PTPRD: variants seen among roughly 807,000 people sequenced by gnomAD.
PTPRD encodes protein tyrosine phosphatase receptor type D.
Under a neutral mutation model 214.5 loss-of-function variants are expected in PTPRD, and 34 were observed. The observed-to-expected ratio is 0.16, with a 90% CI of 0.12 to 0.21. The LOEUF (loss-of-function observed/expected upper bound fraction) is 0.21. PTPRD is among the 10% of genes least tolerant of loss of function. The probability of loss-of-function intolerance (pLI) is 1.00; values close to 1 mark genes in which losing one functional copy is unlikely to be tolerated. For missense variants in PTPRD, 2,545 were observed against 2,398.7 expected (o/e 1.06, Z -1.27); for synonymous variants, 1,128 against 845.7 (o/e 1.33, Z -5.79).
chr9:8,706,262 G>C (rs927659498), intron 12 of PTPRD, among the ~76,000 whole-genome samples: 11 of 152,128 alleles, frequency 7.2e-5, no homozygotes, highest in Non-Finnish European at 1.3e-4. Flanking sequence ...AGATATAATA[G>C]GATTTTCAGG....
chr9:8,488,955 T>C (rs1013943826), intron 27 of PTPRD, among the ~76,000 whole-genome samples: 1 of 152,220 alleles, frequency 6.6e-6, no homozygotes, highest in South Asian at 2.1e-4. Context: ...TTTGAAATTC[T>C]AGTTCCAACG....
chr9:9,560,135 A>G (rs138877491), intron 8 of PTPRD, among the ~76,000 whole-genome samples: 49 of 152,296 alleles, frequency 3.2e-4, no homozygotes, highest in African/African-American at 1.1e-3. Flanking sequence ...TTGCACAGCA[A>G]TGTTCTTCTC....
chr9:10,167,251 T>C (rs1425366445), intron 3 of PTPRD, among the ~76,000 whole-genome samples: 3 of 152,060 alleles, frequency 2.0e-5, no homozygotes, highest in Non-Finnish European at 4.4e-5. Flanking sequence ...TGGAGCTAAT[T>C]CTCACCTATT....
chr9:10,385,044 A>G (rs1802202909), intron 2 of PTPRD, among the ~76,000 whole-genome samples: 1 of 151,688 alleles, frequency 6.6e-6, no homozygotes, highest in Admixed American at 6.6e-5. Flanking sequence ...ATCTCTCACC[A>G]TTCCTAACCT....
At chr9:9,370,011 T>C (rs1246963416) in intron 9 of PTPRD, among the ~76,000 whole-genome samples, 5 of 152,194 alleles carry the variant, frequency 3.3e-5, no homozygotes, top group South Asian at 4.1e-4. Flanking sequence ...TTCGTTACTG[T>C]AGCCTTGTAG....
chr9:9,121,882 G>A (rs552154838), intron 10 of PTPRD, among the ~76,000 whole-genome samples: 1 of 152,134 alleles, frequency 6.6e-6, no homozygotes, highest in Middle Eastern at 3.4e-3. Flanking sequence ...GATATATTTT[G>A]GCTCATGTTC....
chr9:9,461,787 A>C (rs969597987), intron 8 of PTPRD, among the ~76,000 whole-genome samples: 17 of 152,138 alleles, frequency 1.1e-4, no homozygotes, highest in Admixed American at 7.2e-4. Context: ...TTGGATGTTA[A>C]ACAGTAAATG....
At chr9:10,422,924 A>G (rs1317895750) in intron 2 of PTPRD, among the ~76,000 whole-genome samples, 1 of 152,118 alleles carries the variant, frequency 6.6e-6, no homozygotes, top group East Asian at 1.9e-4. Flanking sequence ...AGAACTAGAA[A>G]TACCATTTGA....
chr9:8,842,360 C>G (rs1489128530), intron 11 of PTPRD, among the ~76,000 whole-genome samples: 1 of 152,010 alleles, frequency 6.6e-6, no homozygotes, highest in Non-Finnish European at 1.5e-5. Context: ...TTCTAAATAT[C>G]TTATAATGAG....
At chr9:9,475,990 AAAGAG>A (rs1262031809) in intron 8 of PTPRD, among the ~76,000 whole-genome samples, 2 of 152,210 alleles carry the variant, frequency 1.3e-5, no homozygotes, top group South Asian at 2.1e-4. Flanking sequence ...ACTACATTAA[AAAGAG>A]AAAAGAAAAG....
chr9:9,625,904 A>C lies in PTPRD; in HGVS notation c.-286-51123T>G, dbSNP rs76618576. ...GTTTTTCTCTAGAGCAGGAGTCAGC[A>C]GACTTTATCTGTAAAAGGCTAGATG... On this transcript the variant is annotated intron_variant, in intron 7 of 45. Coordinates refer to ENST00000381196, the MANE Select transcript of PTPRD (RefSeq NM_002839.4). Among the ~76,000 whole-genome samples the C allele has an allele frequency of 6.1e-3, 934 of 152,290 alleles. 68 individuals carry two copies. The East Asian group carries it at 0.15, about 24-fold the overall frequency.
intron 10 of PTPRD, among the ~76,000 whole-genome samples, chr9:9,090,211 C>T (rs922485129): frequency 2.6e-5 from 4 of 152,130 alleles, no homozygotes; most frequent in African/African-American, 9.7e-5. Context: ...ATCTCCCTGG[C>T]CCTCCATACC....
intron 5 of PTPRD, among the ~76,000 whole-genome samples, chr9:9,922,876 T>G (rs889949767): frequency 6.6e-6 from 1 of 151,950 alleles, no homozygotes; most frequent in Non-Finnish European, 1.5e-5. Flanking sequence ...CAATACATGA[T>G]TCTAGGTTGG....
intron 3 of PTPRD, among the ~76,000 whole-genome samples, chr9:10,294,933 T>C (rs924571092): frequency 7.2e-5 from 11 of 151,962 alleles, no homozygotes; most frequent in African/African-American, 2.7e-4. Context: ...ATCCATTTGT[T>C]TTCCTTAAGA....
intron 11 of PTPRD, among the ~76,000 whole-genome samples, chr9:9,004,872 A>AACAAT (rs1748848252): frequency 6.6e-6 from 1 of 152,012 alleles, no homozygotes; most frequent in South Asian, 2.1e-4. Context: ...AACAAAACAA[A>AACAAT]ACTCCAAACT....
chr9:8,450,312 T>C (rs2095885563), intron 33 of PTPRD, among the ~76,000 whole-genome samples: 1 of 152,000 alleles, frequency 6.6e-6, no homozygotes, highest in Non-Finnish European at 1.5e-5. Flanking sequence ...CTACAGAGAG[T>C]AGATGCCGTA....
At chr9:8,801,290 T>C (rs2096565943) in intron 11 of PTPRD, among the ~76,000 whole-genome samples, 1 of 152,232 alleles carries the variant, frequency 6.6e-6, no homozygotes, top group Non-Finnish European at 1.5e-5. Context: ...CTTTGTCTCA[T>C]ATTGATCATT....
intron 7 of PTPRD, among the ~76,000 whole-genome samples, chr9:9,715,490 A>G (rs956107020): frequency 6.6e-6 from 1 of 152,082 alleles, no homozygotes; most frequent in Non-Finnish European, 1.5e-5. Flanking sequence ...TAAAAAATAT[A>G]TTTTCTACAA....
At chr9:10,425,396 TATA>T (rs1278182649) in intron 2 of PTPRD, among the ~76,000 whole-genome samples, 5 of 152,020 alleles carry the variant, frequency 3.3e-5, no homozygotes, top group Non-Finnish European at 7.4e-5. Context: ...TGTTCAACTT[TATA>T]ATAACATTAT....
Sources: gnomAD v4.1 joint callset for allele counts (sites outside exome capture counted in the v4.1 genomes callset) on GRCh38, gnomAD v4.1.1 for gene constraint, MANE v1.5 for transcripts, NCBI Gene and HGNC (gene_info 2026-07-23, HGNC 2026-07-21) for gene names.